PNPLA2: variants seen among roughly 807,000 people sequenced by gnomAD.
PNPLA2 encodes patatin-like phospholipase domain-containing protein 2.
A neutral mutation model predicts 39.7 loss-of-function variants in PNPLA2; 28 were observed. That is an observed-to-expected ratio of 0.70 (90% confidence interval 0.52 to 0.97). The LOEUF is 0.97. Among genes scored for constraint, PNPLA2 ranks in the 50% least tolerant of loss-of-function variants. PNPLA2 has a pLI of 0.00. For synonymous variants in PNPLA2, 392 were observed against 321.1 expected (o/e 1.22, Z -2.36); for missense variants, 768 against 698.2 (o/e 1.10, Z -1.13).
In PNPLA2 at chr11:821,800, C is replaced by G. The variant is rs141674273; in HGVS notation, c.360C>G (p.Arg120=). 1 of 1,613,956 alleles carries G rather than the reference C, an allele frequency of 6.2e-7. No individual in the cohort carries two copies. Among genetic ancestry groups the G allele is most frequent in the Admixed American group, 1.7e-5 (1 of 60,026 alleles). Reference sequence around the variant, plus strand: ...GGCGCCTGGGCATCTCCCTGACCCGCGTGTCAGACGGCGAGAATGTCATTA... The same window carrying G: ...GGCGCCTGGGCATCTCCCTGACCCGGGTGTCAGACGGCGAGAATGTCATTA... ...ASGRLGISLT[R]VSDGENVIIS... The change falls in exon 3 of 10, where the codon CGC becomes CGG. Residue 120 remains arginine, a synonymous_variant. Transcript: ENST00000336615.
Position 821,668 on chromosome 11 carries a change from C to G in PNPLA2, c.228C>G (p.Ala76=). 6.2e-7 allele frequency: 1 copy of G among 1,613,864 alleles called. No individual in the cohort carries two copies. Among genetic ancestry groups the G allele is most frequent in the South Asian group, 1.1e-5 (1 of 91,086 alleles). ...GAKFIEVSKE[A]RKRFLGPLHP... is the part of the protein sequence containing the mutation. Reference sequence around the variant, plus strand: ...AGTTCATTGAGGTATCTAAAGAGGCCCGGAAGCGGTTCCTGGGCCCCCTGC... The same window carrying G: ...AGTTCATTGAGGTATCTAAAGAGGCGCGGAAGCGGTTCCTGGGCCCCCTGC... The change falls in exon 3 of 10, where the codon GCC becomes GCG. Residue 76 remains alanine (A), a synonymous_variant. Coordinates refer to ENST00000336615, the MANE Select transcript of PNPLA2 (RefSeq NM_020376.4).
Position 823,728 on chromosome 11 carries a change from G to GGCCC in PNPLA2, c.792_793insGCCC (p.Pro265AlafsTer43). Reference sequence around the variant, plus strand: ...ACCGGCCCAACCCCTTGCTGGCGTTGCCCCCCGCCCGCCCCCACGGCCCAG... The same window carrying GGCCC: ...ACCGGCCCAACCCCTTGCTGGCGTTGGCCCCCCCCCGCCCGCCCCCACGGCCCAG... On this transcript the variant is annotated frameshift_variant, in exon 7 of 10. Transcript: ENST00000336615. LOFTEE classifies it high-confidence loss of function. The GGCCC allele has an allele frequency of 6.3e-7, 1 of 1,597,162 alleles. No homozygotes were observed. Among genetic ancestry groups the GGCCC allele is most frequent in the Non-Finnish European group, 8.6e-7 (1 of 1,168,740 alleles).
intron 9 of PNPLA2, 42 bp from the exon 10 acceptor site, chr11:824,481 G>A (rs1227023897): frequency 6.5e-7 from 1 of 1,545,702 alleles, no homozygotes; most frequent in Non-Finnish European, 8.7e-7. Context: ...CGGTGCTAGC[G>A]CCGGGAGCTG....
rs544272198 is a variant in PNPLA2 at position 821,390 on chromosome 11, T to C, written c.188-238T>C. 8.2e-4 allele frequency: 483 copies of C among 592,238 alleles called. 11 individuals carry two copies. In the South Asian group the frequency reaches 8.5e-3, roughly 10 times the overall value. The allele number at this position is 592,238 out of a possible 1,614,324, so 36.7% of individuals were successfully genotyped here. On this transcript the variant is annotated intron_variant, in intron 2 of 9. Transcript: ENST00000336615. ...ATGCCACACCAGGCCCAGTGACTCA[T>C]AGGGCAGGCAGTTGGGAAATACCAG...
At chr11:819,357 GC>G in intron 1 of PNPLA2, 2 of 958,762 alleles carry the variant, frequency 2.1e-6, no homozygotes, top group Non-Finnish European at 2.5e-6. Context: ...CTAGGCGTGT[GC>G]CCCCAGCCGT....
In PNPLA2 at chr11:823,704, C is replaced by G. The variant is rs1263267809; in HGVS notation, c.768C>G (p.Asn256Lys). The G allele has an allele frequency of 6.2e-7, 1 of 1,607,338 alleles. No individual in the cohort carries two copies. The highest frequency in any genetic ancestry group is 1.3e-5 in the African/African-American group (1 of 74,828). The change falls in exon 7 of 10, where the codon AAC (asparagine) becomes AAG (lysine). Residue 256 changes from asparagine to lysine, a missense_variant. Coordinates refer to ENST00000336615, the MANE Select transcript of PNPLA2 (RefSeq NM_020376.4). ...TCTCCCCAACCCCAGGCCTCCTGAACCGGCCCAACCCCTTGCTGGCGTTGC... is the reference window on the plus strand; with the variant it reads ...TCTCCCCAACCCCAGGCCTCCTGAAGCGGCCCAACCCCTTGCTGGCGTTGC... ...LRFLQRNGLL[N>K]RPNPLLALPP...
In PNPLA2 at chr11:823,838, C is replaced by T. The variant is rs1277584077; in HGVS notation, c.902C>T (p.Pro301Leu). Residue 301 changes from proline (P) to leucine (L), a missense_variant, in exon 7 of 10, where the codon CCC becomes CTC. Pro to Leu is a moderately conservative substitution (Grantham distance 98). Transcript: ENST00000336615. Reference sequence around the variant, plus strand: ...GAAGATCACATCCTGGAGCACCTGCCCGCCCGGCTCAATGAGGGTGCGCAC... The same window carrying T: ...GAAGATCACATCCTGGAGCACCTGCTCGCCCGGCTCAATGAGGGTGCGCAC... ...PGEDHILEHL[P>L]ARLNEALLEA... 6.3e-7 allele frequency: 1 copy of T among 1,590,280 alleles called. No individual in the cohort carries two copies. The highest frequency in any genetic ancestry group is 1.8e-5 in the Admixed American group (1 of 56,990).
rs747645406 is a variant in PNPLA2, at chr11:824,796, G to C, written c.1449G>C (p.Gly483=). 2 of 1,534,044 alleles carry C rather than the reference G, an allele frequency of 1.3e-6. No homozygotes were observed. Among genetic ancestry groups the C allele is most frequent in the African/African-American group, 2.7e-5 (2 of 72,932 alleles). The part of the protein sequence containing the change: ...DPASPQHQLA[G]PAPLLSTPAP... ...CATCCCCGCAGCACCAGCTGGCCGGGCCTGCCCCCTTGCTGAGCACCCCTG... is the reference window on the plus strand; with the variant it reads ...CATCCCCGCAGCACCAGCTGGCCGGCCCTGCCCCCTTGCTGAGCACCCCTG... The change falls in exon 10 of 10, where the codon GGG becomes GGC. Residue 483 remains glycine, a synonymous_variant. Coordinates refer to ENST00000336615, the MANE Select transcript of PNPLA2 (RefSeq NM_020376.4).
rs886048707 is a variant in PNPLA2, at chr11:819,563, C to T, written c.-145-11C>T. The T allele has an allele frequency of 1.7e-4, 219 of 1,291,914 alleles. No homozygotes were observed. The highest frequency in any genetic ancestry group is 2.1e-4 in the Non-Finnish European group (211 of 1,018,264). 80.0% of individuals were successfully genotyped at this position (1,291,914 alleles called of 1,614,324 possible). A position where few individuals can be genotyped will look rare whatever the true frequency, so the allele number is the denominator to read the frequency against. Reference sequence around the variant, plus strand: ...ACACTTAAAAGCGCCGCCTCCGCGCCGCCCGCGTAGCTTCTTCGCCTCCGC... The same window carrying T: ...ACACTTAAAAGCGCCGCCTCCGCGCTGCCCGCGTAGCTTCTTCGCCTCCGC... On this transcript the variant is annotated splice_polypyrimidine_tract_variant and intron_variant, in intron 1 of 9. Coordinates refer to ENST00000336615, the MANE Select transcript of PNPLA2 (RefSeq NM_020376.4).
In PNPLA2 at chr11:819,560, C is replaced by A; in HGVS notation, c.-145-14C>A. 7.7e-7 allele frequency: 1 copy of A among 1,292,422 alleles called. No individual in the cohort carries two copies. Among genetic ancestry groups the A allele is most frequent in the Non-Finnish European group, 9.8e-7 (1 of 1,018,796 alleles). 80.1% of individuals were successfully genotyped at this position (1,292,422 alleles called of 1,614,324 possible). A position where few individuals can be genotyped will look rare whatever the true frequency, so the allele number is the denominator to read the frequency against. Reference sequence around the variant, plus strand: ...CCCACACTTAAAAGCGCCGCCTCCGCGCCGCCCGCGTAGCTTCTTCGCCTC... The same window carrying A: ...CCCACACTTAAAAGCGCCGCCTCCGAGCCGCCCGCGTAGCTTCTTCGCCTC... On this transcript the variant is annotated splice_polypyrimidine_tract_variant and intron_variant, in intron 1 of 9. Transcript: ENST00000336615.
Position 821,386 on chromosome 11 carries a change from C to T in PNPLA2, c.188-242C>T, listed in dbSNP as rs914815396. The T allele has an allele frequency of 1.5e-5, 9 of 590,394 alleles. No individual in the cohort carries two copies. In the Admixed American group the frequency reaches 2.7e-4, roughly 17 times the overall value. 36.6% of individuals were successfully genotyped at this position (590,394 alleles called of 1,614,324 possible). On this transcript the variant is annotated intron_variant, in intron 2 of 9. Coordinates refer to ENST00000336615, the MANE Select transcript of PNPLA2 (RefSeq NM_020376.4). Reference sequence around the variant, plus strand: ...CTAGATGCCACACCAGGCCCAGTGACTCATAGGGCAGGCAGTTGGGAAATA... The same window carrying T: ...CTAGATGCCACACCAGGCCCAGTGATTCATAGGGCAGGCAGTTGGGAAATA...
At chr11:822,302 A>G in intron 4 of PNPLA2, 95 bp from the exon 5 acceptor site, 1 of 1,140,514 alleles carries the variant, frequency 8.8e-7, no homozygotes, top group South Asian at 1.2e-5. Flanking sequence ...TAGCCACTGA[A>G]TGGGGCCCTT....
In PNPLA2 at chr11:824,878, G is replaced by C; in HGVS notation, c.*16G>C. On this transcript the variant is annotated 3_prime_UTR_variant, in exon 10 of 10. Transcript: ENST00000336615. ...GGGGCTGTGAGACCCCGACCCTCTC[G>C]AGGAACCCTGCCTGAGACGCCTCCA... 6.6e-7 allele frequency: 1 copy of C among 1,524,028 alleles called. No individual in the cohort carries two copies. The highest frequency in any genetic ancestry group is 1.2e-5 in the South Asian group (1 of 83,816). The allele number at this position is 1,524,028 out of a possible 1,614,324, so 94.4% of individuals were successfully genotyped here.
Position 819,912 on chromosome 11 carries a change from G to A in PNPLA2, c.187+7G>A, listed in dbSNP as rs1845611323. 1 of 1,348,100 alleles carries A rather than the reference G, an allele frequency of 7.4e-7. No homozygotes were observed. Among genetic ancestry groups the A allele is most frequent in the South Asian group, 1.8e-5 (1 of 56,144 alleles). The allele number at this position is 1,348,100 out of a possible 1,614,324, so 83.5% of individuals were successfully genotyped here. A position where few individuals can be genotyped will look rare whatever the true frequency, so the allele number is the denominator to read the frequency against. On this transcript the variant is annotated splice_region_variant and intron_variant, in intron 2 of 9. Coordinates refer to ENST00000336615, the MANE Select transcript of PNPLA2 (RefSeq NM_020376.4). ...GTCACCGGGGTCTGCCTGGGTGAGCGGGGCCGGGGGCGGCAGGCGGGGGGC... is the reference window on the plus strand; with the variant it reads ...GTCACCGGGGTCTGCCTGGGTGAGCAGGGCCGGGGGCGGCAGGCGGGGGGC...
Position 824,669 on chromosome 11 carries a change from G to T in PNPLA2, c.1322G>T (p.Arg441Leu). ...CTGGCCAAGTGGGAGGAGTGCCAGCGCCAGCTGCTGCTCGGCCTCTTCTGC... is the reference window on the plus strand; with the variant it reads ...CTGGCCAAGTGGGAGGAGTGCCAGCTCCAGCTGCTGCTCGGCCTCTTCTGC... ...DALAKWEECQ[R>L]QLLLGLFCTN... Residue 441 changes from arginine to leucine, a missense_variant, in exon 10 of 10, where the codon CGC becomes CTC. Transcript: ENST00000336615. 1 of 1,596,370 alleles carries T rather than the reference G, an allele frequency of 6.3e-7. No homozygotes were observed.
At chr11:820,798 C>T (rs1845642524) in intron 2 of PNPLA2, 1 of 152,316 alleles carries the variant, frequency 6.6e-6, no homozygotes, top group African/African-American at 2.4e-5. Flanking sequence ...ACAGCCCCCT[C>T]CAGCCCCCTC....
At chr11:823,901 A>G in intron 7 of PNPLA2, 46 bp downstream of exon 7, 1 of 1,554,620 alleles carries the variant, frequency 6.4e-7, no homozygotes, top group Non-Finnish European at 8.7e-7. Flanking sequence ...GCAGGAGGGA[A>G]AGAGAGAGAG....
intron 2 of PNPLA2, chr11:821,350 C>T (rs1845658721): frequency 3.6e-6 from 2 of 548,394 alleles, no homozygotes; most frequent in Middle Eastern, 5.0e-4. Context: ...TGCCTTGTCC[C>T]CTCTCCTGGG....
Position 819,727 on chromosome 11 carries a change from C to T in PNPLA2, c.9C>T (p.Pro3=). Residue 3 remains proline, a synonymous_variant, in exon 2 of 10, where the codon CCC becomes CCT. Coordinates refer to ENST00000336615, the MANE Select transcript of PNPLA2 (RefSeq NM_020376.4). ...CGGCGGCCGCCGCCGCGATGTTTCC[C>T]CGCGAGAAGACGTGGAACATCTCGT... MF[P]REKTWNISFA... 6.7e-7 allele frequency: 1 copy of T among 1,491,020 alleles called. No individual in the cohort carries two copies. The highest frequency in any genetic ancestry group is 8.9e-7 in the Non-Finnish European group (1 of 1,120,302). 92.4% of individuals were successfully genotyped at this position (1,491,020 alleles called of 1,614,324 possible).
Sources: allele counts gnomAD v4.1 joint callset, GRCh38; gene constraint gnomAD v4.1.1; transcripts MANE v1.5; gene names NCBI Gene and HGNC (gene_info 2026-07-23, HGNC 2026-07-21).